PCDH15: variants seen among roughly 807,000 people sequenced by gnomAD.
PCDH15 encodes the protein protocadherin-15.
A neutral mutation model predicts 178.5 loss-of-function variants in PCDH15; 129 were observed. The observed-to-expected ratio is 0.72, with a 90% CI of 0.63 to 0.84. PCDH15 has a LOEUF of 0.84. Ranked by LOEUF, PCDH15 falls within the 40% of genes least tolerant of loss-of-function variation. The pLI is 0.00. For synonymous variants in PCDH15, 800 were observed against 732.0 expected (o/e 1.09, Z -1.50); for missense variants, 2,230 against 2,099.9 (o/e 1.06, Z -1.21).
chr10:55,547,910 T>TGGGAGAGAGAGAGA (rs541144266), intron 2 of PCDH15, among the ~76,000 whole-genome samples: 1 of 54,508 alleles, frequency 1.8e-5, no homozygotes, highest in Non-Finnish European at 3.4e-5. Context: ...TGTGTGTGTG[T>TGGGAGAGAGAGAGA]GAGAGAGAGA....
chr10:54,500,358 G>T (rs758930988), intron 3 of PCDH15, among the ~76,000 whole-genome samples: 1 of 151,968 alleles, frequency 6.6e-6, no homozygotes, highest in Non-Finnish European at 1.5e-5. Context: ...TCACTACCTT[G>T]GTGACAAGGT....
intron 8 of PCDH15, among the ~76,000 whole-genome samples, chr10:54,247,935 A>AATATATATATATATATAT (rs147562225): frequency 7.2e-6 from 1 of 139,406 alleles, no homozygotes; most frequent in African/African-American, 2.6e-5. Flanking sequence ...TGCATGAAAG[A>AATATATATATATATATAT]ATATATATAT....
At chr10:54,845,879 T>G (rs1953500773) in intron 3 of PCDH15, among the ~76,000 whole-genome samples, 1 of 152,102 alleles carries the variant, frequency 6.6e-6, no homozygotes, top group Admixed American at 6.6e-5. Context: ...AATACTAGAT[T>G]GTCACCACAT....
chr10:55,071,484 TA>T (rs915717179), intron 2 of PCDH15, among the ~76,000 whole-genome samples: 1 of 151,716 alleles, frequency 6.6e-6, no homozygotes, highest in African/African-American at 2.4e-5. Flanking sequence ...CCAACAAAGA[TA>T]AAAAGAGACA....
At chr10:54,166,184 T>TGA (rs1202808838) in intron 13 of PCDH15, among the ~76,000 whole-genome samples, 2 of 152,232 alleles carry the variant, frequency 1.3e-5, no homozygotes, top group African/African-American at 4.8e-5. Flanking sequence ...CTTGCCTATC[T>TGA]GAGTACTCTA....
intron 1 of PCDH15, among the ~76,000 whole-genome samples, chr10:55,169,943 G>T (rs529217955): frequency 2.6e-5 from 4 of 151,702 alleles, no homozygotes; most frequent in Middle Eastern, 3.4e-3. Flanking sequence ...AATTCTATGA[G>T]TCAAATTCCA....
At chr10:53,930,719 C>G (rs2133975442) in intron 25 of PCDH15, among the ~76,000 whole-genome samples, 1 of 152,190 alleles carries the variant, frequency 6.6e-6, no homozygotes, top group Non-Finnish European at 1.5e-5. Context: ...CTTGCTCCTC[C>G]CCAGTTCTTG....
intron 2 of PCDH15, among the ~76,000 whole-genome samples, chr10:54,899,203 A>G (rs1020682895): frequency 6.6e-6 from 1 of 152,210 alleles, no homozygotes; most frequent in Non-Finnish European, 1.5e-5. Context: ...TCTAAGTTAT[A>G]TCCTAATACA....
intron 3 of PCDH15, among the ~76,000 whole-genome samples, chr10:54,417,380 G>A (rs972753737): frequency 1.3e-5 from 2 of 152,016 alleles, no homozygotes; most frequent in African/African-American, 2.4e-5. Flanking sequence ...ATGACGAAAT[G>A]GGGAGTGATA....
intron 2 of PCDH15, among the ~76,000 whole-genome samples, chr10:55,046,233 C>T (rs1303190215): frequency 2.0e-5 from 3 of 151,856 alleles, no homozygotes; most frequent in Non-Finnish European, 2.9e-5. Flanking sequence ...GAAGGAAATA[C>T]CTGCTTGTGA....
chr10:54,049,617 T>G (rs1482367383), intron 18 of PCDH15, among the ~76,000 whole-genome samples: 2 of 144,950 alleles, frequency 1.4e-5, no homozygotes, highest in Non-Finnish European at 3.0e-5. Flanking sequence ...CTGCATCTAT[T>G]GTGATGATTT....
intron 1 of PCDH15, among the ~76,000 whole-genome samples, chr10:55,249,503 GT>G (rs1841777349): frequency 6.6e-6 from 1 of 152,110 alleles, no homozygotes; most frequent in Non-Finnish European, 1.5e-5. Flanking sequence ...CCAACCAAGA[GT>G]TAATGTACAA....
intron 2 of PCDH15, chr10:54,568,625 C>G (rs922764346): frequency 2.6e-5 from 4 of 152,058 alleles, no homozygotes; most frequent in Non-Finnish European, 5.9e-5. Context: ...AGCACATATA[C>G]TTCTCTTCCC....
intron 1 of PCDH15, among the ~76,000 whole-genome samples, chr10:55,261,225 G>A (rs1842139316): frequency 6.6e-6 from 1 of 152,140 alleles, no homozygotes; most frequent in Non-Finnish European, 1.5e-5. Context: ...TGTGACATAT[G>A]AAATATAATT....
In PCDH15 at chr10:54,637,859, C is replaced by T. The variant is rs997500876; in HGVS notation, c.91+26313G>A. Among the ~76,000 whole-genome samples the T allele has an allele frequency of 3.3e-5, 5 of 152,108 alleles. No homozygotes were observed. The East Asian group carries it at 9.7e-4, about 29-fold the overall frequency. On this transcript the variant is annotated intron_variant, in intron 2 of 37. Coordinates refer to ENST00000644397, the MANE Select transcript of PCDH15 (RefSeq NM_001384140.1). ...AATCTGAAACAATCAAGTTTCAGAA[C>T]ATGTCTGAATCTATTTGGTACTGTG...
At chr10:54,422,173 G>C (rs1271028635) in intron 3 of PCDH15, among the ~76,000 whole-genome samples, 1 of 151,798 alleles carries the variant, frequency 6.6e-6, no homozygotes, top group African/African-American at 2.4e-5. Flanking sequence ...AGAAAGTCAA[G>C]GGAAATAATA....
intron 2 of PCDH15, among the ~76,000 whole-genome samples, chr10:54,979,817 T>TGTAACATACAATATGG (rs1839182170): frequency 6.6e-6 from 1 of 152,122 alleles, no homozygotes; most frequent in Non-Finnish European, 1.5e-5. Flanking sequence ...ATATTCTACG[T>TGTAACATACAATATGG]GTAACATACA....
chr10:54,390,584 C>T (rs1415063976), intron 3 of PCDH15, among the ~76,000 whole-genome samples: 1 of 152,156 alleles, frequency 6.6e-6, no homozygotes, highest in Non-Finnish European at 1.5e-5. Flanking sequence ...CGTGAGCCAC[C>T]GTGCCCAGCC....
At chr10:54,461,575 C>T (rs554949791) in intron 3 of PCDH15, among the ~76,000 whole-genome samples, 1 of 152,114 alleles carries the variant, frequency 6.6e-6, no homozygotes, top group Non-Finnish European at 1.5e-5. Flanking sequence ...CACATGTTGT[C>T]AACAACAACA....
Sources: allele counts gnomAD v4.1 joint callset (sites outside exome capture counted in the v4.1 genomes callset), GRCh38; gene constraint gnomAD v4.1.1; transcripts MANE v1.5; gene names NCBI Gene and HGNC (gene_info 2026-07-23, HGNC 2026-07-21).